Variants in CELF2 observed in about 807,000 individuals in gnomAD.
CELF2 encodes the protein CUGBP Elav-like family member 2.
In CELF2, 8 loss-of-function variants were observed where a neutral mutation model predicts 62.6. The observed-to-expected ratio is 0.13, with a 90% CI of 0.07 to 0.23. CELF2 has a LOEUF of 0.23. Ranked by LOEUF, CELF2 falls within the 10% of genes least tolerant of loss-of-function variation. The pLI is 1.00. For missense variants in CELF2, 333 were observed against 671.0 expected (o/e 0.50, Z 5.56); for synonymous variants, 258 against 250.0 (o/e 1.03, Z -0.30).
At chr10:10,640,313 C>T in the CELF2 span, among the ~76,000 whole-genome samples, 1 of 152,028 alleles carries the variant, frequency 6.6e-6, no homozygotes, top group African/African-American at 2.4e-5. Flanking sequence ...CATTATTCTC[C>T]TTCTCCTCTG....
At chr10:11,170,467 T>C (rs980545518) in intron 2 of CELF2, among the ~76,000 whole-genome samples, 5 of 152,068 alleles carry the variant, frequency 3.3e-5, no homozygotes, top group Admixed American at 6.5e-5. Flanking sequence ...CACACTTAGA[T>C]CATGTCCATC....
At chr10:10,572,416 T>C in the CELF2 span, among the ~76,000 whole-genome samples, 1 of 152,082 alleles carries the variant, frequency 6.6e-6, no homozygotes, top group Non-Finnish European at 1.5e-5. Context: ...TAGGTAAACG[T>C]GTGCCATGGT....
intron 1 of CELF2, among the ~76,000 whole-genome samples, chr10:10,845,341 A>G (rs2058944911): frequency 6.6e-6 from 1 of 152,056 alleles, no homozygotes; most frequent in Admixed American, 6.6e-5. Context: ...CAAAAAAAAA[A>G]AAAAAACTGG....
the CELF2 span, among the ~76,000 whole-genome samples, chr10:10,592,358 T>C: frequency 0.4 from 61,319 of 152,002 alleles, 13,440 homozygotes; most frequent in South Asian, 0.7. Context: ...ATTTTTTCTA[T>C]CCAGTTACAG....
intron 12 of CELF2, among the ~76,000 whole-genome samples, chr10:11,327,703 A>G (rs2095827376): frequency 6.6e-6 from 1 of 152,240 alleles, no homozygotes; most frequent in African/African-American, 2.4e-5. Flanking sequence ...ATTGGGAATG[A>G]GACTTAATAA....
the CELF2 span, among the ~76,000 whole-genome samples, chr10:10,718,573 A>G: frequency 0.7 from 104,469 of 149,038 alleles, 37,027 homozygotes; most frequent in South Asian, 0.83. Flanking sequence ...GCAGTGGGCC[A>G]AGATCGCGCC....
chr10:10,847,739 TG>T (rs1261108228), intron 1 of CELF2, among the ~76,000 whole-genome samples: 2 of 152,338 alleles, frequency 1.3e-5, no homozygotes, highest in East Asian at 3.9e-4. Context: ...CAGAATCACC[TG>T]GGCCCTACCC....
intron 1 of CELF2, among the ~76,000 whole-genome samples, chr10:11,153,335 T>C (rs2063692702): frequency 6.6e-6 from 1 of 152,192 alleles, no homozygotes; most frequent in African/African-American, 2.4e-5. Context: ...TCACCGAAGC[T>C]TCATTAACAC....
chr10:11,107,855 A>ATCTCC (rs2053934217), intron 1 of CELF2, among the ~76,000 whole-genome samples: 3 of 78,614 alleles, frequency 3.8e-5, no homozygotes, highest in African/African-American at 1.8e-4. Context: ...ATTTCTCCCC[A>ATCTCC]TCCCTTCTAC....
the CELF2 span, among the ~76,000 whole-genome samples, chr10:10,557,547 A>G: frequency 0.98 from 144,891 of 147,878 alleles, 71,002 homozygotes; most frequent in East Asian, 1. Context: ...GAACTTTAAA[A>G]TAGTTTTTTC....
intron 3 of CELF2, among the ~76,000 whole-genome samples, chr10:11,245,319 T>G (rs1481111135): frequency 6.6e-6 from 1 of 152,246 alleles, no homozygotes; most frequent in Admixed American, 6.5e-5. Context: ...CCTTGACATT[T>G]ACATCTTGTA....
chr10:11,317,686 C>G (rs1340354035), intron 10 of CELF2: 3 of 152,256 alleles, frequency 2.0e-5, no homozygotes, highest in African/African-American at 2.4e-5. Context: ...AAAAGACATT[C>G]ACGCTCATGT....
chr10:11,036,881 T>C (rs1178903168), intron 1 of CELF2, among the ~76,000 whole-genome samples: 2 of 152,240 alleles, frequency 1.3e-5, no homozygotes, highest in Non-Finnish European at 2.9e-5. Flanking sequence ...AAAATTCCTC[T>C]GTTGGCCTAT....
rs1554884961 is a variant in CELF2, at chr10:10,927,354, A to AAAAAAAAAAAAAAAAC, written c.89+7367_89+7368insAAACAAAAAAAAAAAA. On this transcript the variant is annotated intron_variant, in intron 2 of 13. Coordinates refer to the CELF2 transcript ENST00000636488. ...GGAGAACCTAGTGACATTAAAAAAA[A>AAAAAAAAAAAAAAAAC]AAAAAAAAAAAACACCTTTTTCTGT... 3.8e-4 allele frequency: 56 copies of AAAAAAAAAAAAAAAAC among 148,330 alleles called. 1 individual carries two copies. Among genetic ancestry groups the AAAAAAAAAAAAAAAAC allele is most frequent in the Middle Eastern group, 3.4e-3 (1 of 294 alleles). The allele number at this position is 148,330 out of a possible 1,614,324, so 9.2% of individuals were successfully genotyped here.
rs2049084935 is a variant in CELF2 at position 10,957,994 on chromosome 10, T to G, written c.89+37995T>G. ...GAATGTATATGAAATCTTCACCAGG[T>G]GGAGGGTGAAGTAAGCAAATTAAAT... On this transcript the variant is annotated intron_variant, in intron 2 of 13. Coordinates refer to the CELF2 transcript ENST00000636488. The surrounding 1 kb of genome is among the most constrained non-coding windows in gnomAD (Gnocchi z 4.1). Among the ~76,000 whole-genome samples the G allele has an allele frequency of 6.6e-6, 1 of 152,148 alleles. No homozygotes were observed. Among genetic ancestry groups the G allele is most frequent in the Non-Finnish European group, 1.5e-5 (1 of 68,034 alleles).
the CELF2 span, among the ~76,000 whole-genome samples, chr10:10,495,736 G>A: frequency 6.6e-6 from 1 of 152,250 alleles, no homozygotes; most frequent in South Asian, 2.1e-4. Context: ...ATGCACAATG[G>A]ACCGTGCCCA....
the CELF2 span, among the ~76,000 whole-genome samples, chr10:10,784,946 C>A: frequency 6.6e-6 from 1 of 152,148 alleles, no homozygotes; most frequent in African/African-American, 2.4e-5. Flanking sequence ...CATAGGTAGG[C>A]TTGGATCCAT....
chr10:10,552,071 A>T, the CELF2 span, among the ~76,000 whole-genome samples: 1 of 152,200 alleles, frequency 6.6e-6, no homozygotes, highest in Non-Finnish European at 1.5e-5. Flanking sequence ...AAAACAAAAG[A>T]CGAGTGGGTG....
chr10:11,188,368 G>C (rs1309905924), intron 2 of CELF2, among the ~76,000 whole-genome samples: 1 of 152,194 alleles, frequency 6.6e-6, no homozygotes. Flanking sequence ...GCCTCCCAAA[G>C]TGGCGGGATT....
Sources: allele counts gnomAD v4.1 joint callset (sites outside exome capture counted in the v4.1 genomes callset), GRCh38; gene constraint gnomAD v4.1.1; non-coding constraint Gnocchi (gnomAD v3.1); transcripts MANE v1.5; gene names NCBI Gene and HGNC (gene_info 2026-07-23, HGNC 2026-07-21).